Variants in THSD7A observed in about 807,000 individuals in gnomAD.
THSD7A encodes the protein thrombospondin type-1 domain-containing protein 7A.
Under a neutral mutation model 231.3 loss-of-function variants are expected in THSD7A, and 96 were observed. That is an observed-to-expected ratio of 0.41 (90% CI 0.35 to 0.49). The LOEUF is 0.49. Ranked by LOEUF, THSD7A falls within the 20% of genes least tolerant of loss-of-function variation. THSD7A has a pLI of 0.05. For missense variants in THSD7A, 2,290 were observed against 2,070.2 expected, an observed-to-expected ratio of 1.11 and a Z score of -2.06; for synonymous variants, 940 against 743.3, an observed-to-expected ratio of 1.26 and a Z score of -4.30.
At chr7:11,709,220 T>C (rs959711019) in intron 1 of THSD7A, among the ~76,000 whole-genome samples, 2 of 150,812 alleles carry the variant, frequency 1.3e-5, no homozygotes, top group African/African-American at 4.8e-5. Flanking sequence ...ATACATTCAA[T>C]ACAACATTTA....
In THSD7A at chr7:11,502,623, A is replaced by G. The variant is rs77226753; in HGVS notation, c.1823-20641T>C. Among the ~76,000 whole-genome samples, 10 of 152,214 alleles carry G rather than the reference A, an allele frequency of 6.6e-5. No individual in the cohort carries two copies. The East Asian group carries it at 1.9e-3, about 29-fold the overall frequency. The stretch of plus-strand genomic sequence containing the variant: ...AAACTCTCAATAATCTAGGTACAAA[A>G]CCAATGTACAAAAATCACCAGCATT... On this transcript the variant is annotated intron_variant, in intron 6 of 27. Coordinates refer to ENST00000423059, the MANE Select transcript of THSD7A (RefSeq NM_015204.3).
chr7:11,648,045 G>A (rs1210362607), intron 1 of THSD7A, among the ~76,000 whole-genome samples: 4 of 152,004 alleles, frequency 2.6e-5, no homozygotes, highest in African/African-American at 9.7e-5. Flanking sequence ...CACTTTCATT[G>A]AACACTCATA....
chr7:11,679,453 T>C (rs1783779498), intron 1 of THSD7A, among the ~76,000 whole-genome samples: 1 of 152,152 alleles, frequency 6.6e-6, no homozygotes, highest in Non-Finnish European at 1.5e-5. Context: ...GAAAACCCCA[T>C]TGTCTCAGCC....
intron 4 of THSD7A, among the ~76,000 whole-genome samples, chr7:11,581,063 T>C (rs1791137955): frequency 6.6e-6 from 1 of 152,076 alleles, no homozygotes; most frequent in South Asian, 2.1e-4. Flanking sequence ...AAAATAACAC[T>C]TGGGAGAATG....
chr7:11,454,911 T>C (rs1562622370), intron 11 of THSD7A, among the ~76,000 whole-genome samples: 1 of 152,006 alleles, frequency 6.6e-6, no homozygotes, highest in African/African-American at 2.4e-5. Flanking sequence ...ACTAAGATGA[T>C]AGGAATTTTA....
chr7:11,534,028 G>C (rs1349046774), intron 6 of THSD7A, among the ~76,000 whole-genome samples: 12 of 152,084 alleles, frequency 7.9e-5, no homozygotes, highest in Non-Finnish European at 1.8e-4. Context: ...AAGATACCTT[G>C]TTCTTTTCAT....
intron 3 of THSD7A, among the ~76,000 whole-genome samples, chr7:11,591,799 G>T (rs1000541548): frequency 6.6e-6 from 1 of 152,078 alleles, no homozygotes; most frequent in Non-Finnish European, 1.5e-5. Flanking sequence ...GGGGAAGGAA[G>T]CAAAACCAAA....
chr7:11,727,382 T>C (rs1781583391), intron 1 of THSD7A, among the ~76,000 whole-genome samples: 1 of 151,906 alleles, frequency 6.6e-6, no homozygotes, highest in African/African-American at 2.4e-5. Flanking sequence ...CCTTTTACCC[T>C]ACAAAGAGTT....
Position 11,563,535 on chromosome 7 carries a change from T to A in THSD7A, c.1454-20418A>T, listed in dbSNP as rs182660086. Reference sequence around the variant, plus strand: ...CCACCATGTCTGGCTGATTTTTGTATTTTTTTAGTAGAGACAGGGTTTCAC... The same window carrying A: ...CCACCATGTCTGGCTGATTTTTGTAATTTTTTAGTAGAGACAGGGTTTCAC... On this transcript the variant is annotated intron_variant, in intron 4 of 27. Coordinates refer to ENST00000423059, the MANE Select transcript of THSD7A (RefSeq NM_015204.3). 8.3e-3 allele frequency among the ~76,000 whole-genome samples: 1,263 copies of A among 151,942 alleles called. 7 individuals are homozygous for A. The highest frequency in any genetic ancestry group is 0.013 in the Non-Finnish European group (893 of 67,920).
chr7:11,515,280 T>C (rs1787983785), intron 6 of THSD7A, among the ~76,000 whole-genome samples: 1 of 152,176 alleles, frequency 6.6e-6, no homozygotes, highest in African/African-American at 2.4e-5. Context: ...TGTGATACTT[T>C]AACTGAATAT....
chr7:11,733,223 A>G (rs1781797492), intron 1 of THSD7A, among the ~76,000 whole-genome samples: 1 of 151,824 alleles, frequency 6.6e-6, no homozygotes, highest in South Asian at 2.1e-4. Flanking sequence ...TGAGTCTTAC[A>G]TACTCATGGA....
rs752037054 is a variant in THSD7A, at chr7:11,441,591, CCT to C, written c.3064+4468_3064+4469del. ...AAATTAATCATCAAGTTGTTGCTAC[CCT>C]CTCTTATTTCCTTGAGAGGATAGCA... On this transcript the variant is annotated intron_variant, in intron 13 of 27. Coordinates refer to ENST00000423059, the MANE Select transcript of THSD7A (RefSeq NM_015204.3). 2.2e-4 allele frequency among the ~76,000 whole-genome samples: 34 copies of C among 151,890 alleles called. 1 individual carries two copies. The highest frequency in any genetic ancestry group is 2.1e-4 in the South Asian group (1 of 4,816).
chr7:11,617,248 A>G (rs1337967927), intron 2 of THSD7A, among the ~76,000 whole-genome samples: 1 of 152,164 alleles, frequency 6.6e-6, no homozygotes, highest in Non-Finnish European at 1.5e-5. Context: ...TACATGCATA[A>G]CATACACACA....
chr7:11,533,080 T>C (rs1292621905), intron 6 of THSD7A, among the ~76,000 whole-genome samples: 1 of 152,174 alleles, frequency 6.6e-6, no homozygotes, highest in Non-Finnish European at 1.5e-5. Context: ...AAAACAGTGA[T>C]GGATATGGCT....
intron 22 of THSD7A, among the ~76,000 whole-genome samples, chr7:11,403,123 A>G (rs547725346): frequency 8.5e-5 from 13 of 152,294 alleles, no homozygotes; most frequent in Admixed American, 6.5e-4. Flanking sequence ...TACACAGTCA[A>G]TTATGATAGA....
intron 13 of THSD7A, among the ~76,000 whole-genome samples, chr7:11,434,441 CA>C (rs1784569373): frequency 6.6e-6 from 1 of 152,096 alleles, no homozygotes; most frequent in Non-Finnish European, 1.5e-5. Context: ...CACAATCACT[CA>C]TTCATTTGAA....
intron 13 of THSD7A, among the ~76,000 whole-genome samples, chr7:11,434,119 T>C (rs1190823988): frequency 6.6e-6 from 1 of 151,906 alleles, no homozygotes; most frequent in Non-Finnish European, 1.5e-5. Flanking sequence ...GCTCAGATCA[T>C]TTTTTAGGGC....
Position 11,377,739 on chromosome 7 carries a change from T to C in THSD7A, c.4802-1082A>G, listed in dbSNP as rs1242822998. The C allele has an allele frequency of 6.6e-6, 1 of 152,088 alleles. No individual in the cohort carries two copies. The highest frequency in any genetic ancestry group is 1.5e-5 in the Non-Finnish European group (1 of 67,992). 9.4% of individuals were successfully genotyped at this position (152,088 alleles called of 1,614,324 possible). On this transcript the variant is annotated intron_variant, in intron 26 of 27. Coordinates refer to ENST00000423059, the MANE Select transcript of THSD7A (RefSeq NM_015204.3). The surrounding 1 kb of genome is among the most constrained non-coding windows in gnomAD (Gnocchi z 4.5). Reference sequence around the variant, plus strand: ...CTGTTGAGAGTTTCTTCAACAAATGTTTTTTGGGGTTTTTCAAAATCAAAG... The same window carrying C: ...CTGTTGAGAGTTTCTTCAACAAATGCTTTTTGGGGTTTTTCAAAATCAAAG...
intron 1 of THSD7A, among the ~76,000 whole-genome samples, chr7:11,645,480 A>G (rs1782244283): frequency 6.6e-6 from 1 of 151,836 alleles, no homozygotes; most frequent in Non-Finnish European, 1.5e-5. Flanking sequence ...TAAAAGTTTA[A>G]TCTTCTTATA....
Sources: allele counts gnomAD v4.1 joint callset (sites outside exome capture counted in the v4.1 genomes callset), GRCh38; gene constraint gnomAD v4.1.1; non-coding constraint Gnocchi (gnomAD v3.1); transcripts MANE v1.5; gene names NCBI Gene and HGNC (gene_info 2026-07-23, HGNC 2026-07-21).